Variants in MACROD2 observed in about 807,000 individuals in gnomAD.
MACROD2 encodes mono-ADP ribosylhydrolase 2.
In MACROD2, 36 loss-of-function variants were observed where a neutral mutation model predicts 70.4. The ratio of observed to expected loss-of-function variants is 0.51; its 90% CI spans 0.39 to 0.68. MACROD2 has a LOEUF of 0.68. Ranked by LOEUF, MACROD2 falls within the 30% of genes least tolerant of loss-of-function variation. MACROD2 has a pLI of 0.00. For synonymous variants in MACROD2, 172 were observed against 178.8 expected, an observed-to-expected ratio of 0.96 and a Z score of 0.30; for missense variants, 496 against 538.4, an observed-to-expected ratio of 0.92 and a Z score of 0.78.
intron 8 of MACROD2, among the ~76,000 whole-genome samples, chr20:15,564,535 G>C (rs1600597461): frequency 6.6e-6 from 1 of 152,166 alleles, no homozygotes; most frequent in African/African-American, 2.4e-5. Context: ...GGGTTTAAAA[G>C]CATGTTAGCA....
At chr20:14,816,748 T>C (rs2072778333) in intron 5 of MACROD2, among the ~76,000 whole-genome samples, 1 of 151,988 alleles carries the variant, frequency 6.6e-6, no homozygotes, top group Non-Finnish European at 1.5e-5. Context: ...TTGACTACAT[T>C]CAGGTATAGT....
At chr20:15,555,017 A>C (rs2048147489) in intron 8 of MACROD2, among the ~76,000 whole-genome samples, 1 of 152,226 alleles carries the variant, frequency 6.6e-6, no homozygotes, top group African/African-American at 2.4e-5. Flanking sequence ...CATTTCTATC[A>C]GTGGAATTTG....
intron 4 of MACROD2, among the ~76,000 whole-genome samples, chr20:14,517,405 G>T (rs559402718): frequency 5.9e-5 from 9 of 152,248 alleles, no homozygotes; most frequent in African/African-American, 2.2e-4. Context: ...GATGAAGCTG[G>T]AAACCATCAT....
chr20:14,209,924 A>G (rs777589033), intron 3 of MACROD2, among the ~76,000 whole-genome samples: 2 of 152,212 alleles, frequency 1.3e-5, no homozygotes, highest in Non-Finnish European at 2.9e-5. Context: ...GCTACTCACT[A>G]TTATTCAGAC....
intron 7 of MACROD2, among the ~76,000 whole-genome samples, chr20:15,476,662 C>T (rs556527721): frequency 3.0e-4 from 46 of 151,956 alleles, no homozygotes; most frequent in African/African-American, 1.1e-3. Context: ...GTATTTGAGA[C>T]AAAATAACTA....
chr20:15,065,796 T>C (rs1314603980), intron 5 of MACROD2, among the ~76,000 whole-genome samples: 6 of 152,226 alleles, frequency 3.9e-5, no homozygotes, highest in Admixed American at 6.5e-5. Context: ...ACTCCGTAGT[T>C]GCATTATATT....
chr20:15,774,119 TTTCTC>T (rs1184838528), intron 8 of MACROD2, among the ~76,000 whole-genome samples: 1 of 152,178 alleles, frequency 6.6e-6, no homozygotes, highest in Non-Finnish European at 1.5e-5. Context: ...GATTCTGCCA[TTTCTC>T]TTTTCTGTGC....
At chr20:15,242,134 C>T (rs2077065551) in intron 6 of MACROD2, among the ~76,000 whole-genome samples, 1 of 152,136 alleles carries the variant, frequency 6.6e-6, no homozygotes, top group South Asian at 2.1e-4. Context: ...AAGAAAGACA[C>T]TACATCACTG....
chr20:14,521,991 A>G (rs575859614), intron 4 of MACROD2, among the ~76,000 whole-genome samples: 33 of 152,270 alleles, frequency 2.2e-4, no homozygotes, highest in African/African-American at 7.7e-4. Flanking sequence ...TTAGGTTTTC[A>G]GTCTGTGCTT....
chr20:14,564,165 C>T (rs974015960), intron 4 of MACROD2, among the ~76,000 whole-genome samples: 2 of 151,814 alleles, frequency 1.3e-5, no homozygotes, highest in Non-Finnish European at 2.9e-5. Flanking sequence ...AAACTGGACC[C>T]CTATCTTGTA....
chr20:15,456,502 C>T (rs1043571465), intron 7 of MACROD2, among the ~76,000 whole-genome samples: 1 of 152,176 alleles, frequency 6.6e-6, no homozygotes, highest in Admixed American at 6.5e-5. Context: ...CACCTGCACA[C>T]AAGCTCCCTG....
At chr20:14,389,089 A>G (rs2083497779) in intron 3 of MACROD2, among the ~76,000 whole-genome samples, 1 of 151,732 alleles carries the variant, frequency 6.6e-6, no homozygotes, top group African/African-American at 2.4e-5. Context: ...CATGTTGGCC[A>G]AGCTGGTCTC....
intron 5 of MACROD2, among the ~76,000 whole-genome samples, chr20:15,187,789 A>G (rs140756178): frequency 5.9e-5 from 9 of 152,118 alleles, no homozygotes; most frequent in Non-Finnish European, 8.8e-5. Flanking sequence ...CAAGCCTGCT[A>G]TTTGTTCATT....
chr20:15,147,124 A>C (rs923747684), intron 5 of MACROD2, among the ~76,000 whole-genome samples: 5 of 152,174 alleles, frequency 3.3e-5, no homozygotes, highest in Non-Finnish European at 7.3e-5. Flanking sequence ...GAGTAGAAAA[A>C]AGTGAGCCTT....
At chr20:15,348,229 A>T (rs1034146774) in intron 6 of MACROD2, among the ~76,000 whole-genome samples, 1 of 152,194 alleles carries the variant, frequency 6.6e-6, no homozygotes, top group Non-Finnish European at 1.5e-5. Context: ...CATCTCTGTG[A>T]TGAAGGTGGC....
At chr20:14,381,208 C>A (rs1175064427) in intron 3 of MACROD2, among the ~76,000 whole-genome samples, 2 of 152,082 alleles carry the variant, frequency 1.3e-5, no homozygotes, top group Non-Finnish European at 2.9e-5. Flanking sequence ...ATATTCATAT[C>A]TTTTACAGTA....
intron 8 of MACROD2, among the ~76,000 whole-genome samples, chr20:15,721,967 T>G (rs192830055): frequency 6.6e-6 from 1 of 152,262 alleles, no homozygotes; most frequent in Admixed American, 6.5e-5. Flanking sequence ...TTTTTGAATC[T>G]TATATAAATG....
intron 3 of MACROD2, among the ~76,000 whole-genome samples, chr20:14,179,488 C>A (rs1238480961): frequency 6.6e-6 from 1 of 152,134 alleles, no homozygotes; most frequent in Non-Finnish European, 1.5e-5. Flanking sequence ...ATGTACTATT[C>A]TGTCTATCTA....
intron 3 of MACROD2, among the ~76,000 whole-genome samples, chr20:14,406,974 G>A (rs751016028): frequency 2.6e-5 from 4 of 152,026 alleles, no homozygotes; most frequent in Non-Finnish European, 4.4e-5. Context: ...GCTGTTGATT[G>A]CAAATGTGGG....
Sources: gnomAD v4.1 joint callset for allele counts (sites outside exome capture counted in the v4.1 genomes callset) on GRCh38, gnomAD v4.1.1 for gene constraint, MANE v1.5 for transcripts, NCBI Gene and HGNC (gene_info 2026-07-23, HGNC 2026-07-21) for gene names.